DLG2: variants seen among roughly 807,000 people sequenced by gnomAD.
The protein encoded by DLG2 is discs large MAGUK scaffold protein 2, also known as disks large homolog 2.
DLG2 carries 45 observed loss-of-function variants against 132.5 expected under a neutral mutation model. The observed-to-expected ratio is 0.34, with a 90% confidence interval of 0.27 to 0.44. The LOEUF (loss-of-function observed/expected upper bound fraction) is 0.44. Among genes scored for constraint, DLG2 ranks in the 20% least tolerant of loss-of-function variants. DLG2 has a pLI of 1.00. For synonymous variants in DLG2, 424 were observed against 419.6 expected (o/e 1.01, Z -0.13); for missense variants, 1,045 against 1,196.9 (o/e 0.87, Z 1.87).
chr11:84,590,233 A>G (rs1488147270), intron 6 of DLG2, among the ~76,000 whole-genome samples: 1 of 152,196 alleles, frequency 6.6e-6, no homozygotes, highest in East Asian at 1.9e-4. Flanking sequence ...CTCCTGAATT[A>G]CCATTTAAAT....
intron 8 of DLG2, among the ~76,000 whole-genome samples, chr11:84,196,457 A>G (rs1374650692): frequency 6.6e-6 from 1 of 152,198 alleles, no homozygotes; most frequent in Non-Finnish European, 1.5e-5. Context: ...TTAAAAAGCC[A>G]GTTTGTACTG....
intron 8 of DLG2, among the ~76,000 whole-genome samples, chr11:84,223,297 A>G (rs2096941858): frequency 6.6e-6 from 1 of 152,140 alleles, no homozygotes; most frequent in African/African-American, 2.4e-5. Context: ...TAAGACATTG[A>G]TTGAGAGAGA....
chr11:83,863,530 G>C (rs2061786834), intron 16 of DLG2, among the ~76,000 whole-genome samples: 1 of 152,172 alleles, frequency 6.6e-6, no homozygotes, highest in Non-Finnish European at 1.5e-5. Flanking sequence ...GGAAGAAATG[G>C]GTTCTAGCAC....
chr11:85,545,977 T>C (rs1442566119), intron 3 of DLG2, among the ~76,000 whole-genome samples: 1 of 152,216 alleles, frequency 6.6e-6, no homozygotes, highest in Non-Finnish European at 1.5e-5. Flanking sequence ...GGGTTTTTTG[T>C]GTCTCTGTCT....
At chr11:84,891,249 T>A (rs1395953334) in intron 6 of DLG2, among the ~76,000 whole-genome samples, 2 of 152,158 alleles carry the variant, frequency 1.3e-5, no homozygotes, top group Non-Finnish European at 2.9e-5. Flanking sequence ...ATGTACAGCA[T>A]ATGTATGTAT....
chr11:85,342,998 G>A (rs2082600504), intron 3 of DLG2, among the ~76,000 whole-genome samples: 1 of 152,042 alleles, frequency 6.6e-6, no homozygotes, highest in Admixed American at 6.6e-5. Flanking sequence ...CTAAAAAGTA[G>A]TTCTCCCTAA....
intron 25 of DLG2, among the ~76,000 whole-genome samples, chr11:83,468,989 A>G (rs192379229): frequency 1.3e-5 from 2 of 152,306 alleles, no homozygotes; most frequent in African/African-American, 4.8e-5. Context: ...CCCTCTTCCT[A>G]CTTTTTCCAA....
chr11:85,152,773 T>C (rs1188669677), intron 5 of DLG2, among the ~76,000 whole-genome samples: 1 of 152,344 alleles, frequency 6.6e-6, no homozygotes, highest in East Asian at 1.9e-4. Flanking sequence ...CAGTCTGATA[T>C]GTGTCCTACA....
chr11:85,604,478 A>G (rs533479481), intron 2 of DLG2, among the ~76,000 whole-genome samples: 1 of 152,360 alleles, frequency 6.6e-6, no homozygotes, highest in South Asian at 2.1e-4. Flanking sequence ...CATAAATTGA[A>G]TAAAGTGGAA....
chr11:85,480,386 C>T (rs1160187), intron 3 of DLG2, among the ~76,000 whole-genome samples: 132,187 of 152,078 alleles, frequency 0.87, 58,434 homozygotes, highest in Middle Eastern at 0.97. Context: ...TCTGGAATGT[C>T]TTTATAATGA....
rs1427248085 is a variant in DLG2, at chr11:85,518,765, G to T, written c.40+79892C>A. ...CAGCCTCTCCCAACACAGGTCCGGA[G>T]GCCTAGGAGGAAAACATGGCTTGGT... On this transcript the variant is annotated intron_variant, in intron 3 of 27. Coordinates refer to ENST00000376104, the MANE Select transcript of DLG2 (RefSeq NM_001142699.3). Among the ~76,000 whole-genome samples, 4 of 152,168 alleles carry T rather than the reference G, an allele frequency of 2.6e-5. No homozygotes were observed. In the East Asian group the frequency reaches 5.8e-4, roughly 22 times the overall value.
At chr11:84,717,053 A>G (rs2061320061) in intron 6 of DLG2, among the ~76,000 whole-genome samples, 1 of 152,022 alleles carries the variant, frequency 6.6e-6, no homozygotes, top group African/African-American at 2.4e-5. Flanking sequence ...AAAGAAGATA[A>G]CTTTTGAGTG....
chr11:84,569,447 G>T (rs758715422), intron 6 of DLG2, among the ~76,000 whole-genome samples: 1 of 151,844 alleles, frequency 6.6e-6, no homozygotes, highest in East Asian at 1.9e-4. Flanking sequence ...AATACTCAAA[G>T]TTCAGTGAAC....
At chr11:83,540,228 T>C (rs985611598) in intron 20 of DLG2, among the ~76,000 whole-genome samples, 18 of 152,204 alleles carry the variant, frequency 1.2e-4, no homozygotes, top group Admixed American at 3.9e-4. Context: ...GCACGTTGTC[T>C]TGACATTTTA....
chr11:84,893,899 G>A (rs1046569807), intron 6 of DLG2, among the ~76,000 whole-genome samples: 4 of 152,138 alleles, frequency 2.6e-5, no homozygotes, highest in Non-Finnish European at 5.9e-5. Context: ...ACAAAAGAAA[G>A]AGAAGAAACA....
chr11:85,467,296 G>T lies in DLG2; in HGVS notation c.40+131361C>A, dbSNP rs867213553. The stretch of plus-strand genomic sequence containing the variant: ...TTCCTCTTTTCCTAATTGAATACCC[G>T]TTATTTCCTTCTCCTGCCTGATTGC... On this transcript the variant is annotated intron_variant, in intron 3 of 27. Transcript: ENST00000376104. Among the ~76,000 whole-genome samples the T allele has an allele frequency of 3.0e-4, 45 of 152,034 alleles. 1 individual carries two copies. Among genetic ancestry groups the T allele is most frequent in the African/African-American group, 7.0e-4 (29 of 41,488 alleles).
At chr11:85,429,090 T>C (rs765486777) in intron 3 of DLG2, among the ~76,000 whole-genome samples, 1 of 152,100 alleles carries the variant, frequency 6.6e-6, no homozygotes, top group Non-Finnish European at 1.5e-5. Flanking sequence ...AGAACTTGAA[T>C]CTCTCAATAG....
chr11:83,629,994 T>C (rs116725545), intron 19 of DLG2, among the ~76,000 whole-genome samples: 1,989 of 152,274 alleles, frequency 0.013, 57 homozygotes, highest in African/African-American at 0.045. Context: ...AAATCAAACA[T>C]ACCCAAATCA....
Position 85,561,939 on chromosome 11 carries a change from T to A in DLG2, c.40+36718A>T, listed in dbSNP as rs192461958. ...TTCATTGATCACTCCATTTTACAGA[T>A]ACAGAAAGTGAGGCTCAGAGAGATA... On this transcript the variant is annotated intron_variant, in intron 3 of 27. Transcript: ENST00000376104. Among the ~76,000 whole-genome samples, 20 of 151,950 alleles carry A rather than the reference T, an allele frequency of 1.3e-4. 1 individual carries two copies. In the South Asian group the frequency reaches 3.7e-3, roughly 28 times the overall value.
Sources: allele counts gnomAD v4.1 joint callset (sites outside exome capture counted in the v4.1 genomes callset), GRCh38; gene constraint gnomAD v4.1.1; transcripts MANE v1.5; gene names NCBI Gene and HGNC (gene_info 2026-07-23, HGNC 2026-07-21).